The following MBOAT2 variants were observed in gnomAD, a reference collection of about 807,000 sequenced individuals.
MBOAT2 encodes the protein membrane-bound glycerophospholipid O-acyltransferase 2.
MBOAT2 carries 28 observed loss-of-function variants against 63.4 expected under a neutral mutation model. The observed-to-expected ratio is 0.44, with a 90% CI of 0.33 to 0.61. The LOEUF is 0.61. Among genes scored for constraint, MBOAT2 ranks in the 20% least tolerant of loss-of-function variants. The probability of loss-of-function intolerance (pLI) is 0.03; values close to 1 mark genes in which losing one functional copy is unlikely to be tolerated. For synonymous variants in MBOAT2, 211 were observed against 215.6 expected, an observed-to-expected ratio of 0.98 and a Z score of 0.19; for missense variants, 470 against 605.8, an observed-to-expected ratio of 0.78 and a Z score of 2.35.
At chr2:8,898,077 C>T (rs946901334) in intron 4 of MBOAT2, among the ~76,000 whole-genome samples, 2 of 152,244 alleles carry the variant, frequency 1.3e-5, no homozygotes, top group African/African-American at 4.8e-5. Flanking sequence ...AATTTCCTTA[C>T]TTTGGTATGC....
Position 8,892,420 on chromosome 2 carries a change from T to C in MBOAT2, c.396-4347A>G, listed in dbSNP as rs569222418. ...AAGTGAGAGATAATGGAAAAGTCCA[T>C]TGGTCTTAGTCATCCATTCATTCAT... On this transcript the variant is annotated intron_variant, in intron 4 of 12. Coordinates refer to ENST00000305997, the MANE Select transcript of MBOAT2 (RefSeq NM_138799.4). Among the ~76,000 whole-genome samples the C allele has an allele frequency of 4.6e-5, 7 of 152,304 alleles. No homozygotes were observed. In the South Asian group the frequency reaches 1.5e-3, roughly 32 times the overall value.
chr2:8,940,929 T>C (rs1165431767), intron 3 of MBOAT2, among the ~76,000 whole-genome samples: 2 of 152,102 alleles, frequency 1.3e-5, no homozygotes, highest in Non-Finnish European at 2.9e-5. Context: ...CATGTAAAAC[T>C]AGACTGAAAG....
chr2:8,854,077 C>T lies in MBOAT2; in HGVS notation c.*4602G>A, dbSNP rs1452115943. 4 of 152,090 alleles carry T rather than the reference C, an allele frequency of 2.6e-5. No homozygotes were observed. The highest frequency in any genetic ancestry group is 4.8e-5 in the African/African-American group (2 of 41,398). The allele number at this position is 152,090 out of a possible 1,614,324, so 9.4% of individuals were successfully genotyped here. On this transcript the variant is annotated 3_prime_UTR_variant, in exon 13 of 13. Coordinates refer to ENST00000305997, the MANE Select transcript of MBOAT2 (RefSeq NM_138799.4). ...TTATAAGAGCTTTCCTACAAAATAC[C>T]GATGTGGAAAATTTCATTTTAAAAT...
intron 4 of MBOAT2, among the ~76,000 whole-genome samples, chr2:8,897,159 C>T (rs564400855): frequency 6.6e-6 from 1 of 151,018 alleles, no homozygotes; most frequent in African/African-American, 2.5e-5. Context: ...CTCTTCCTCT[C>T]TTTGACTTTC....
chr2:8,887,212 T>C (rs1281311967), intron 5 of MBOAT2, among the ~76,000 whole-genome samples: 2 of 152,338 alleles, frequency 1.3e-5, no homozygotes, highest in Admixed American at 1.3e-4. Context: ...CTGTTTAACC[T>C]GCAGACTTGA....
chr2:8,866,208 G>A (rs759499079), intron 9 of MBOAT2, among the ~76,000 whole-genome samples: 26 of 151,748 alleles, frequency 1.7e-4, no homozygotes, highest in African/African-American at 4.4e-4. Flanking sequence ...GGGTGATATC[G>A]CCCCCAGGAG....
At chr2:8,892,165 C>CATT (rs1388833110) in intron 4 of MBOAT2, among the ~76,000 whole-genome samples, 47 of 152,112 alleles carry the variant, frequency 3.1e-4, no homozygotes, top group Admixed American at 3.1e-3. Flanking sequence ...ATGATTGTTC[C>CATT]ATTATCTCTG....
chr2:8,914,348 C>T (rs1443023862), intron 3 of MBOAT2, among the ~76,000 whole-genome samples: 1 of 152,042 alleles, frequency 6.6e-6, no homozygotes, highest in Non-Finnish European at 1.5e-5. Context: ...TATTAACCAA[C>T]ATTCATATTG....
rs1435524738 is a variant in MBOAT2, at chr2:8,977,733, A to G, written c.76-19091T>C. ...TTAAACTATCTCACTTGACTATCTAATGAGTATCTAAAATTTACTGTGGCC... is the reference window on the plus strand; with the variant it reads ...TTAAACTATCTCACTTGACTATCTAGTGAGTATCTAAAATTTACTGTGGCC... On this transcript the variant is annotated intron_variant, in intron 1 of 12. Transcript: ENST00000305997. 2.6e-5 allele frequency among the ~76,000 whole-genome samples: 4 copies of G among 152,052 alleles called. No homozygotes were observed. In the East Asian group the frequency reaches 5.8e-4, roughly 22 times the overall value.
chr2:8,896,247 A>T (rs1463393474), intron 4 of MBOAT2, among the ~76,000 whole-genome samples: 1 of 151,936 alleles, frequency 6.6e-6, no homozygotes, highest in Non-Finnish European at 1.5e-5. Flanking sequence ...TCAAAAAAAA[A>T]AAAAAAAAAA....
chr2:8,877,837 C>G (rs980341470), intron 6 of MBOAT2, among the ~76,000 whole-genome samples: 1 of 152,056 alleles, frequency 6.6e-6, no homozygotes, highest in East Asian at 1.9e-4. Context: ...GTGAAGACCC[C>G]TGAGCTGGGC....
intron 1 of MBOAT2, among the ~76,000 whole-genome samples, chr2:8,969,347 G>T (rs1670266938): frequency 6.6e-6 from 1 of 152,150 alleles, no homozygotes; most frequent in South Asian, 2.1e-4. Flanking sequence ...TACCAGGCCT[G>T]CCCTAAAAGA....
rs111505873 is a variant in MBOAT2, at chr2:8,974,129, A to G, written c.76-15487T>C. Among the ~76,000 whole-genome samples, 1,116 of 152,292 alleles carry G rather than the reference A, an allele frequency of 7.3e-3. 13 individuals carry two copies. The highest frequency in any genetic ancestry group is 0.02 in the South Asian group (98 of 4,832). ...TAGCAGTATACTTTCTCCTTGCTAA[A>G]AGAACCCAGATGTTGTTCAGTAACC... On this transcript the variant is annotated intron_variant, in intron 1 of 12. Transcript: ENST00000305997.
At chr2:8,884,555 T>C (rs1246072538) in intron 5 of MBOAT2, among the ~76,000 whole-genome samples, 1 of 152,118 alleles carries the variant, frequency 6.6e-6, no homozygotes, top group Admixed American at 6.6e-5. Flanking sequence ...TCCTTATCCT[T>C]TTTTCCCTCA....
intron 5 of MBOAT2, among the ~76,000 whole-genome samples, chr2:8,886,288 T>C (rs1663545532): frequency 6.6e-6 from 1 of 152,244 alleles, no homozygotes; most frequent in Non-Finnish European, 1.5e-5. Context: ...CTTCCAGACT[T>C]CATTACAGGC....
Position 8,932,412 on chromosome 2 carries a change from GAGA to G in MBOAT2, c.299+10772_299+10774del, listed in dbSNP as rs555839640. On this transcript the variant is annotated intron_variant, in intron 3 of 12. Transcript: ENST00000305997. ...ATACTACATCCTGATGAAGAAGACA[GAGA>G]AGAAGCCAGTCACAATACAATGCAA... is the stretch of plus-strand genomic sequence containing the variant. 1.8e-3 allele frequency among the ~76,000 whole-genome samples: 277 copies of G among 152,262 alleles called. 3 individuals carry two copies. The highest frequency in any genetic ancestry group is 6.3e-3 in the African/African-American group (260 of 41,550).
chr2:8,879,228 G>A (rs1662929284), intron 6 of MBOAT2, among the ~76,000 whole-genome samples: 1 of 152,130 alleles, frequency 6.6e-6, no homozygotes, highest in African/African-American at 2.4e-5. Context: ...TCAAAGACCA[G>A]GGTAAGTACC....
At chr2:8,869,848 T>A (rs1190362611) in intron 8 of MBOAT2, among the ~76,000 whole-genome samples, 1 of 152,232 alleles carries the variant, frequency 6.6e-6, no homozygotes, top group Non-Finnish European at 1.5e-5. Flanking sequence ...TCTGATTTGT[T>A]CATGTATTCA....
At chr2:8,944,210 TAA>T (rs1416326163) in intron 2 of MBOAT2, among the ~76,000 whole-genome samples, 1 of 152,214 alleles carries the variant, frequency 6.6e-6, no homozygotes, top group Non-Finnish European at 1.5e-5. Context: ...AATCCACCAT[TAA>T]ATTAGATAAT....
Sources: gnomAD v4.1 joint callset for allele counts (sites outside exome capture counted in the v4.1 genomes callset) on GRCh38, gnomAD v4.1.1 for gene constraint, MANE v1.5 for transcripts, NCBI Gene and HGNC (gene_info 2026-07-23, HGNC 2026-07-21) for gene names.